DNAJA3: variants seen among roughly 807,000 people sequenced by gnomAD.
DNAJA3 encodes the protein dnaJ homolog subfamily A member 3, mitochondrial.
A neutral mutation model predicts 54.9 loss-of-function variants in DNAJA3; 29 were observed. The observed-to-expected ratio is 0.53, with a 90% CI of 0.39 to 0.72. DNAJA3 has a LOEUF of 0.72. Ranked by LOEUF, DNAJA3 falls within the 30% of genes least tolerant of loss-of-function variation. The pLI is 0.00. For synonymous variants in DNAJA3, 302 were observed against 251.4 expected, an observed-to-expected ratio of 1.20 and a Z score of -1.90; for missense variants, 708 against 639.4, an observed-to-expected ratio of 1.11 and a Z score of -1.16.
chr16:4,444,320 CCTTT>C (rs1362872132), intron 6 of DNAJA3, among the ~76,000 whole-genome samples: 4 of 151,816 alleles, frequency 2.6e-5, no homozygotes, highest in African/African-American at 4.8e-5. Flanking sequence ...ATAACTGCTC[CCTTT>C]CTTTTTTTTC....
intron 1 of DNAJA3, among the ~76,000 whole-genome samples, chr16:4,430,009 A>G (rs555252806): frequency 1.3e-5 from 2 of 151,796 alleles, no homozygotes; most frequent in East Asian, 3.9e-4. Flanking sequence ...CCAAAAAATT[A>G]ATAAAGTCAT....
chr16:4,443,140 C>T lies in DNAJA3; in HGVS notation c.907C>T (p.Arg303Ter), dbSNP rs763697591. 1.9e-6 allele frequency: 3 copies of T among 1,613,942 alleles called. No homozygotes were observed. Among genetic ancestry groups the T allele is most frequent in the East Asian group, 2.2e-5 (1 of 44,860 alleles). The change falls in exon 6 of 12, where the codon CGA becomes TGA. Residue 303 changes from arginine (R) to a stop codon, truncating the protein, a stop_gained. Coordinates refer to ENST00000262375, the MANE Select transcript of DNAJA3 (RefSeq NM_005147.6). LOFTEE classifies it high-confidence loss of function. ...RGAGQAKQKK[R>*]VMIPVPAGVE... ...AGCAGGACAAGCCAAGCAGAAAAAG[C>T]GAGTGATGATCCCTGTGCCTGCAGG... is the stretch of plus-strand genomic sequence containing the variant.
At chr16:4,431,839 A>T (rs982778857) in intron 1 of DNAJA3, 18 of 152,006 alleles carry the variant, frequency 1.2e-4, no homozygotes, top group African/African-American at 3.6e-4. Context: ...CGGCCTCCCA[A>T]AGTGCTGGGA....
chr16:4,454,758 G>C, intron 10 of DNAJA3, 53 bp from the exon 11 acceptor site: 4 of 1,414,462 alleles, frequency 2.8e-6, no homozygotes, highest in Non-Finnish European at 4.0e-6. Context: ...CCTGGGATGT[G>C]ACTGTGGAAG....
At chr16:4,430,205 G>T (rs1046991594) in intron 1 of DNAJA3, among the ~76,000 whole-genome samples, 8 of 151,878 alleles carry the variant, frequency 5.3e-5, no homozygotes, top group Admixed American at 2.6e-4. Flanking sequence ...CTGTGATCTT[G>T]TCTCAAATCT....
chr16:4,441,095 G>A (rs1164813767), intron 3 of DNAJA3: 1 of 507,796 alleles, frequency 2.0e-6, no homozygotes, highest in Non-Finnish European at 3.5e-6. Context: ...TGCCTGTGAG[G>A]TCAAGCGAGG....
At chr16:4,437,958 A>C (rs752438143) in intron 3 of DNAJA3, among the ~76,000 whole-genome samples, 4 of 151,828 alleles carry the variant, frequency 2.6e-5, no homozygotes, top group African/African-American at 4.8e-5. Flanking sequence ...CTTCTCTCAA[A>C]AAATAAAAAA....
chr16:4,425,920 T>G lies in DNAJA3; in HGVS notation c.39T>G (p.Val13=), dbSNP rs1260465323. Reference sequence around the variant, plus strand: ...GCTCCACACGCTGGTTGCTGGTGGTTGTGGGGACCCCGCGGCTGCCGGCTA... The same window carrying G: ...GCTCCACACGCTGGTTGCTGGTGGTGGTGGGGACCCCGCGGCTGCCGGCTA... The part of the protein sequence containing the change: ...ARCSTRWLLV[V]VGTPRLPAIS... The change falls in exon 1 of 12, where the codon GTT becomes GTG. Residue 13 remains valine (V), a synonymous_variant. Coordinates refer to ENST00000262375, the MANE Select transcript of DNAJA3 (RefSeq NM_005147.6). 6.5e-7 allele frequency: 1 copy of G among 1,549,012 alleles called. No individual in the cohort carries two copies.
intron 6 of DNAJA3, among the ~76,000 whole-genome samples, chr16:4,444,020 A>C (rs549750270): frequency 1.3e-5 from 2 of 152,186 alleles, no homozygotes; most frequent in East Asian, 3.9e-4. Context: ...GTTTCTCTAG[A>C]GTTGTGAGCA....
chr16:4,426,109 A>G lies in DNAJA3; in HGVS notation c.211+17A>G. On this transcript the variant is annotated intron_variant, in intron 1 of 11. Coordinates refer to ENST00000262375, the MANE Select transcript of DNAJA3 (RefSeq NM_005147.6). ...GCCTTACAGGTGAGGGCAGGTTCCA[A>G]CTTCCGAGTGGCGGTTTCAGGGCCT... 6.5e-7 allele frequency: 1 copy of G among 1,544,804 alleles called. No individual in the cohort carries two copies. The highest frequency in any genetic ancestry group is 8.7e-7 in the Non-Finnish European group (1 of 1,143,446).
rs142902846 is a variant in DNAJA3, at chr16:4,450,030, C to T, written c.1242-370C>T. On this transcript the variant is annotated intron_variant, in intron 9 of 11. Coordinates refer to ENST00000262375, the MANE Select transcript of DNAJA3 (RefSeq NM_005147.6). ...GTCTCTATCTCCTGACCTTGTGATC[C>T]GCCCACCTTGGCCTCCCAAAATGCT... The T allele has an allele frequency of 5.3e-5, 9 of 169,310 alleles. No homozygotes were observed. The East Asian group carries it at 6.6e-4, about 12-fold the overall frequency. The allele number at this position is 169,310 out of a possible 1,614,324, so 10.5% of individuals were successfully genotyped here. A position where few individuals can be genotyped will look rare whatever the true frequency, so the allele number is the denominator to read the frequency against.
intron 3 of DNAJA3, chr16:4,441,085 T>TC: frequency 6.2e-6 from 3 of 482,694 alleles, no homozygotes; most frequent in South Asian, 3.3e-5. Flanking sequence ...GAATCCAGGG[T>TC]GCCTGTGAGG....
At chr16:4,449,232 G>A (rs2056946884) in intron 9 of DNAJA3, among the ~76,000 whole-genome samples, 1 of 152,146 alleles carries the variant, frequency 6.6e-6, no homozygotes, top group African/African-American at 2.4e-5. Context: ...TCCTGACCTA[G>A]TGATCCACCC....
At chr16:4,450,960 G>C (rs909444016) in intron 10 of DNAJA3, among the ~76,000 whole-genome samples, 3 of 152,250 alleles carry the variant, frequency 2.0e-5, no homozygotes, top group Non-Finnish European at 4.4e-5. Context: ...TGGAGCCGCA[G>C]TCAGCAGACT....
Position 4,455,936 on chromosome 16 carries a change from T to G in DNAJA3, c.*404T>G. 3.2e-6 allele frequency: 1 copy of G among 309,724 alleles called. No homozygotes were observed. Among genetic ancestry groups the G allele is most frequent in the Non-Finnish European group, 6.0e-6 (1 of 166,084 alleles). The allele number at this position is 309,724 out of a possible 1,614,324, so 19.2% of individuals were successfully genotyped here. The stretch of plus-strand genomic sequence containing the variant: ...AAGCTGCATCAAGTTACGAAGTGAT[T>G]AATTTCCTTCTCAGCAAACCTCCGG... On this transcript the variant is annotated 3_prime_UTR_variant, in exon 12 of 12. Coordinates refer to ENST00000262375, the MANE Select transcript of DNAJA3 (RefSeq NM_005147.6).
intron 3 of DNAJA3, 189 bp downstream of exon 3, chr16:4,437,674 G>C: frequency 1.8e-6 from 1 of 548,894 alleles, no homozygotes. Flanking sequence ...GCTCACTCCT[G>C]TAGTCCTAGC....
chr16:4,446,462 T>C (rs938414322), intron 7 of DNAJA3, among the ~76,000 whole-genome samples: 10 of 151,880 alleles, frequency 6.6e-5, no homozygotes, highest in African/African-American at 2.2e-4. Flanking sequence ...CAGTCTGGTC[T>C]CAAACTCCTG....
In DNAJA3 at chr16:4,444,693, C is replaced by T; in HGVS notation, c.961C>T (p.Pro321Ser). The T allele has an allele frequency of 6.2e-7, 1 of 1,614,066 alleles. No individual in the cohort carries two copies. The highest frequency in any genetic ancestry group is 1.3e-5 in the African/African-American group (1 of 75,022). ...GVEDGQTVRM[P>S]VGKREIFITF... is the part of the protein sequence containing the mutation. Reference sequence around the variant, plus strand: ...CGAGGATGGCCAGACCGTGAGGATGCCTGTGGGAAAAAGGGAAATTTTCAT... The same window carrying T: ...CGAGGATGGCCAGACCGTGAGGATGTCTGTGGGAAAAAGGGAAATTTTCAT... Residue 321 changes from proline to serine, a missense_variant, in exon 7 of 12, where the codon CCT becomes TCT. Coordinates refer to ENST00000262375, the MANE Select transcript of DNAJA3 (RefSeq NM_005147.6).
At position 4,443,104 on chromosome 16, in the gene DNAJA3, G is replaced by T. The variant is rs1349951642; in HGVS notation, c.871G>T (p.Val291Phe). 1 of 1,614,034 alleles carries T rather than the reference G, an allele frequency of 6.2e-7. No homozygotes were observed. Among genetic ancestry groups the T allele is most frequent in the Non-Finnish European group, 8.5e-7 (1 of 1,180,024 alleles). The change falls in exon 6 of 12, where the codon GTC becomes TTC. Residue 291 changes from valine (V) to phenylalanine (F), a missense_variant. Coordinates refer to ENST00000262375, the MANE Select transcript of DNAJA3 (RefSeq NM_005147.6). Reference sequence around the variant, plus strand: ...CTCCATCATCATATCGCCCTGTGTGGTCTGCAGGGGAGCAGGACAAGCCAA... The same window carrying T: ...CTCCATCATCATATCGCCCTGTGTGTTCTGCAGGGGAGCAGGACAAGCCAA... ...RGSIIISPCV[V>F]CRGAGQAKQK...
Sources: gnomAD v4.1 joint callset for allele counts (sites outside exome capture counted in the v4.1 genomes callset) on GRCh38, gnomAD v4.1.1 for gene constraint, MANE v1.5 for transcripts, NCBI Gene and HGNC (gene_info 2026-07-23, HGNC 2026-07-21) for gene names.